The following NLRX1 variants were observed in gnomAD, a reference collection of about 807,000 sequenced individuals.
NLRX1 encodes the protein NOD-like receptor X1.
Under a neutral mutation model 74.2 loss-of-function variants are expected in NLRX1, and 67 were observed. The ratio of observed to expected loss-of-function variants is 0.90; its 90% CI spans 0.74 to 1.11. The LOEUF is 1.11. Ranked by LOEUF, NLRX1 falls within the 50% of genes least tolerant of loss-of-function variation. NLRX1 has a pLI of 0.00. For missense variants in NLRX1, 1,191 were observed against 1,305.4 expected (o/e 0.91, Z 1.35); for synonymous variants, 506 against 559.1 (o/e 0.91, Z 1.34).
In NLRX1 at chr11:119,172,405, G is replaced by T; in HGVS notation, c.120G>T (p.Glu40Asp). ...ACTGGAGTTGGCCCCTTCAAGGGGA[G>T]CGTCCCTTTGGGCCCCCTAGGTGAG... ...LIHWSWPLQG[E>D]RPFGPPRAFI... The change falls in exon 3 of 10, where the codon GAG becomes GAT. Residue 40 changes from glutamate (E) to aspartate (D), a missense_variant. Glu to Asp is a conservative substitution (Grantham distance 45). Transcript: ENST00000409109. The T allele has an allele frequency of 6.2e-7, 1 of 1,613,660 alleles. No individual in the cohort carries two copies. The highest frequency in any genetic ancestry group is 8.5e-7 in the Non-Finnish European group (1 of 1,179,538).
intron 1 of NLRX1, among the ~76,000 whole-genome samples, chr11:119,170,132 G>A (rs925451014): frequency 5.9e-5 from 9 of 152,006 alleles, no homozygotes; most frequent in African/African-American, 2.2e-4. Context: ...GTGAGCCTGG[G>A]GTATAAGGCA....
chr11:119,181,110 G>T, intron 7 of NLRX1, 61 bp from the exon 8 acceptor site: 2 of 1,178,620 alleles, frequency 1.7e-6, no homozygotes, highest in Admixed American at 1.7e-5. Flanking sequence ...TAGATGGACA[G>T]ACTGCCTGCT....
At chr11:119,178,397 TA>T (rs977144914) in intron 6 of NLRX1, among the ~76,000 whole-genome samples, 2 of 152,190 alleles carry the variant, frequency 1.3e-5, no homozygotes, top group African/African-American at 4.8e-5. Context: ...AAATGTCAGT[TA>T]ACAAAACTAC....
intron 2 of NLRX1, 68 bp downstream of exon 2, chr11:119,171,541 A>C: frequency 6.1e-6 from 7 of 1,151,756 alleles, no homozygotes; most frequent in Middle Eastern, 4.0e-4. Context: ...TGATGCCTCC[A>C]AGACAGCAGG....
rs2135200741 is a variant in NLRX1, at chr11:119,183,564, T to C, written c.*125T>C. 2.0e-6 allele frequency: 2 copies of C among 977,432 alleles called. No individual in the cohort carries two copies. Among genetic ancestry groups the C allele is most frequent in the Non-Finnish European group, 3.1e-6 (2 of 638,050 alleles). The allele number at this position is 977,432 out of a possible 1,614,324, so 60.5% of individuals were successfully genotyped here. A position where few individuals can be genotyped will look rare whatever the true frequency, so the allele number is the denominator to read the frequency against. The stretch of plus-strand genomic sequence containing the variant: ...AGGTCTGGAGGCAGAGGAATGGGCA[T>C]AGCTGAGCCAGTTGCCCTCCTAGGG... On this transcript the variant is annotated 3_prime_UTR_variant, in exon 10 of 10. Coordinates refer to ENST00000409109, the MANE Select transcript of NLRX1 (RefSeq NM_001282144.2). This position sits in a 1 kb window ranked among gnomAD's most constrained non-coding sequence, Gnocchi z 5.7.
chr11:119,173,573 G>T lies in NLRX1; in HGVS notation c.324G>T (p.Thr108=). The change falls in exon 5 of 10, where the codon ACG becomes ACT. Residue 108 remains threonine (T), a synonymous_variant. Coordinates refer to ENST00000409109, the MANE Select transcript of NLRX1 (RefSeq NM_001282144.2). This position sits in a 1 kb window ranked among gnomAD's most constrained non-coding sequence, Gnocchi z 4.0. The stretch of plus-strand genomic sequence containing the variant: ...TTGGCCCAACCTTTGCCCTAGACAC[G>T]GTCCACGTTGACCCTGTGATCCGCG... ...RQFGPTFALD[T]VHVDPVIRES... 1 of 1,614,140 alleles carries T rather than the reference G, an allele frequency of 6.2e-7. No individual in the cohort carries two copies. The highest frequency in any genetic ancestry group is 8.5e-7 in the Non-Finnish European group (1 of 1,180,048).
At chr11:119,176,851 C>A (rs1948715101) in intron 6 of NLRX1, among the ~76,000 whole-genome samples, 1 of 152,014 alleles carries the variant, frequency 6.6e-6, no homozygotes, top group South Asian at 2.1e-4. Context: ...TTATAGGCAC[C>A]AAAGCATAAG....
At chr11:119,171,276 G>T (rs543561318) in intron 1 of NLRX1, 80 bp from the exon 2 acceptor site, 2 of 914,208 alleles carry the variant, frequency 2.2e-6, no homozygotes, top group Middle Eastern at 3.6e-4. Flanking sequence ...TGGGAGGAAG[G>T]TCCCTCCTTG....
chr11:119,177,788 C>T (rs1948736652), intron 6 of NLRX1: 1 of 152,184 alleles, frequency 6.6e-6, no homozygotes, highest in African/African-American at 2.4e-5. Context: ...AGGCTGCAGT[C>T]TCCCGAGGGG....
At position 119,179,803 on chromosome 11, in the gene NLRX1, G is replaced by A. The variant is rs753502047; in HGVS notation, c.1782G>A (p.Leu594=). The change falls in exon 7 of 10, where the codon CTG becomes CTA. Residue 594 remains leucine (L), a synonymous_variant. Coordinates refer to ENST00000409109, the MANE Select transcript of NLRX1 (RefSeq NM_001282144.2). ...REEDYYNDDV[L]DQMGASILGV... ...AGGACTACTACAACGATGATGTTCT[G>A]GACCAGATGGGCGCCAGTATCCTGG... 4 of 1,614,074 alleles carry A rather than the reference G, an allele frequency of 2.5e-6. No homozygotes were observed. The African/African-American group carries it at 4.0e-5, about 16-fold the overall frequency.
chr11:119,179,703 G>A lies in NLRX1; in HGVS notation c.1682G>A (p.Arg561Gln), dbSNP rs61730046. 2.6e-5 allele frequency: 41 copies of A among 1,598,586 alleles called. No homozygotes were observed. The highest frequency in any genetic ancestry group is 2.9e-5 in the Non-Finnish European group (34 of 1,170,388). ...LLFNLIKVVP[R>Q]VFGRMVGKSR... is the part of the protein sequence containing the mutation. The stretch of plus-strand genomic sequence containing the variant: ...CTGCTTCTTTTTCAGGTGGTTCCAC[G>A]AGTGTTTGGGCGCATGGTGGGTAAA... Residue 561 changes from arginine to glutamine, a missense_variant, in exon 7 of 10, where the codon CGA (arginine) becomes CAA (glutamine). Arg to Gln is a conservative substitution (Grantham distance 43). Coordinates refer to ENST00000409109, the MANE Select transcript of NLRX1 (RefSeq NM_001282144.2).
At chr11:119,171,076 T>C (rs1407774464) in intron 1 of NLRX1, among the ~76,000 whole-genome samples, 2 of 151,848 alleles carry the variant, frequency 1.3e-5, no homozygotes, top group Non-Finnish European at 2.9e-5. Context: ...CCGGGAGGCA[T>C]AGGCTTCAAT....
Position 119,168,748 on chromosome 11 carries a change from G to A in NLRX1, c.-603G>A, listed in dbSNP as rs1948460012. 6.6e-6 allele frequency: 1 copy of A among 152,350 alleles called. No homozygotes were observed. The highest frequency in any genetic ancestry group is 2.1e-4 in the South Asian group (1 of 4,832). The allele number at this position is 152,350 out of a possible 1,614,324, so 9.4% of individuals were successfully genotyped here. A position where few individuals can be genotyped will look rare whatever the true frequency, so the allele number is the denominator to read the frequency against. The stretch of plus-strand genomic sequence containing the variant: ...GCAGTGCCCGCGGGGATGGAGGCAG[G>A]GAGGGGGGACGATGGCGGGACGGGT... On this transcript the variant is annotated 5_prime_UTR_variant, in exon 1 of 10. Coordinates refer to ENST00000409109, the MANE Select transcript of NLRX1 (RefSeq NM_001282144.2).
intron 3 of NLRX1, 80 bp downstream of exon 3, chr11:119,172,505 T>C: frequency 3.6e-6 from 4 of 1,110,842 alleles, no homozygotes; most frequent in Non-Finnish European, 5.5e-6. Context: ...TGGGGCTAGC[T>C]TGATCTCTTG....
At chr11:119,174,215 G>C in intron 5 of NLRX1, 117 bp downstream of exon 5, 1 of 1,319,534 alleles carries the variant, frequency 7.6e-7, no homozygotes, top group South Asian at 1.4e-5. Flanking sequence ...GAGCAAGTCA[G>C]TAACTTCCCC....
At position 119,183,307 on chromosome 11, in the gene NLRX1, C is replaced by G; in HGVS notation, c.2796C>G (p.His932Gln). 6.2e-7 allele frequency: 1 copy of G among 1,614,216 alleles called. No homozygotes were observed. The highest frequency in any genetic ancestry group is 2.2e-5 in the East Asian group (1 of 44,878). The change falls in exon 10 of 10, where the codon CAC becomes CAG. Residue 932 changes from histidine (H) to glutamine (Q), a missense_variant. His to Gln is a conservative substitution (Grantham distance 24). Coordinates refer to ENST00000409109, the MANE Select transcript of NLRX1 (RefSeq NM_001282144.2). This position sits in a 1 kb window ranked among gnomAD's most constrained non-coding sequence, Gnocchi z 5.7. ...NSWDRARVQR[H>Q]LELLLRDLED... Reference sequence around the variant, plus strand: ...GGGATCGGGCCCGGGTTCAGCGACACCTTGAGCTCCTACTGCGGGATCTGG... The same window carrying G: ...GGGATCGGGCCCGGGTTCAGCGACAGCTTGAGCTCCTACTGCGGGATCTGG...
At chr11:119,170,636 C>T (rs1328620649) in intron 1 of NLRX1, among the ~76,000 whole-genome samples, 15 of 152,152 alleles carry the variant, frequency 9.9e-5, no homozygotes, top group Admixed American at 2.6e-4. Flanking sequence ...CATTAAAACT[C>T]AGCTAAAAGG....
intron 6 of NLRX1, among the ~76,000 whole-genome samples, chr11:119,176,706 AAAATT>A (rs1390310216): frequency 6.6e-6 from 1 of 152,126 alleles, no homozygotes; most frequent in African/African-American, 2.4e-5. Flanking sequence ...TAATAATAAC[AAAATT>A]AAATTAAATT....
chr11:119,181,069 C>G, intron 7 of NLRX1, 102 bp from the exon 8 acceptor site: 1 of 829,232 alleles, frequency 1.2e-6, no homozygotes, highest in Non-Finnish European at 2.1e-6. Context: ...GTATAGATTC[C>G]CAGAGGCAGG....
Sources: allele counts gnomAD v4.1 joint callset (sites outside exome capture counted in the v4.1 genomes callset), GRCh38; gene constraint gnomAD v4.1.1; non-coding constraint Gnocchi (gnomAD v3.1); transcripts MANE v1.5; gene names NCBI Gene and HGNC (gene_info 2026-07-23, HGNC 2026-07-21).